Variants in ARFGEF3 observed in about 807,000 individuals in gnomAD.
ARFGEF3 encodes ARFGEF family member 3, also known as brefeldin A-inhibited guanine nucleotide-exchange protein 3.
ARFGEF3 carries 96 observed loss-of-function variants against 221.7 expected under a neutral mutation model. The observed-to-expected ratio is 0.43, with a 90% CI of 0.37 to 0.51. ARFGEF3 has a LOEUF of 0.51. Ranked by LOEUF, ARFGEF3 falls within the 20% of genes least tolerant of loss-of-function variation. ARFGEF3 has a pLI of 0.00. For missense variants in ARFGEF3, 2,410 were observed against 2,789.9 expected (o/e 0.86, Z 3.07); for synonymous variants, 1,145 against 1,126.8 (o/e 1.02, Z -0.32).
intron 19 of ARFGEF3, among the ~76,000 whole-genome samples, chr6:138,293,352 C>A (rs1779448746): frequency 6.6e-6 from 1 of 152,196 alleles, no homozygotes; most frequent in Non-Finnish European, 1.5e-5. Flanking sequence ...TACTGTGCTC[C>A]CCGCCTTCCT....
intron 14 of ARFGEF3, among the ~76,000 whole-genome samples, chr6:138,280,590 C>G (rs1443038831): frequency 6.6e-6 from 1 of 152,212 alleles, no homozygotes; most frequent in Non-Finnish European, 1.5e-5. Context: ...GTGGCTCATG[C>G]CTATAATCCT....
chr6:138,278,095 A>G (rs560147492), intron 12 of ARFGEF3, among the ~76,000 whole-genome samples: 2 of 152,290 alleles, frequency 1.3e-5, no homozygotes, highest in Non-Finnish European at 1.5e-5. Context: ...GAGTTTTATT[A>G]CATTGTGATA....
chr6:138,245,666 T>C, intron 8 of ARFGEF3, 75 bp downstream of exon 8: 1 of 1,074,480 alleles, frequency 9.3e-7, no homozygotes, highest in Middle Eastern at 2.0e-4. Context: ...GCAGCATCAC[T>C]TCAAATTATG....
In ARFGEF3 at chr6:138,258,327, C is replaced by G. The variant is rs566052766; in HGVS notation, c.1104+2558C>G. ...AATTGCAACAGGCTAGATACCGCTGCCACTTCACATTAGCTTATTTACAAA... is the reference window on the plus strand; with the variant it reads ...AATTGCAACAGGCTAGATACCGCTGGCACTTCACATTAGCTTATTTACAAA... On this transcript the variant is annotated intron_variant, in intron 10 of 33. Transcript: ENST00000251691. 2.6e-5 allele frequency among the ~76,000 whole-genome samples: 4 copies of G among 152,330 alleles called. No homozygotes were observed. The South Asian group carries it at 8.3e-4, about 32-fold the overall frequency.
intron 23 of ARFGEF3, 43 bp from the exon 24 acceptor site, chr6:138,308,696 C>A: frequency 6.2e-7 from 1 of 1,611,250 alleles, no homozygotes; most frequent in Non-Finnish European, 8.5e-7. Flanking sequence ...AACCCGAGGG[C>A]AGAAACTTAC....
intron 12 of ARFGEF3, among the ~76,000 whole-genome samples, chr6:138,272,116 G>A (rs1026186448): frequency 3.3e-5 from 5 of 149,660 alleles, no homozygotes; most frequent in Non-Finnish European, 7.4e-5. Flanking sequence ...AACTCAGGCA[G>A]AGATTTATAG....
In ARFGEF3 at chr6:138,294,010, C is replaced by T. The variant is rs896867817; in HGVS notation, c.3386C>T (p.Thr1129Met). Reference protein sequence around the residue: ...TQADRLFEDATDKLNLMALGG... With the variant: ...TQADRLFEDAMDKLNLMALGG... The stretch of plus-strand genomic sequence containing the variant: ...GCATCCAGGCTCTTTGAAGATGCTA[C>T]GGATAAGTTGAACCTCATGGCCTTG... The change falls in exon 20 of 34, where the codon ACG becomes ATG. Residue 1129 changes from threonine (T) to methionine (M), a missense_variant. Thr to Met is a moderately conservative substitution (Grantham distance 81, BLOSUM62 -1). Coordinates refer to ENST00000251691, the MANE Select transcript of ARFGEF3 (RefSeq NM_020340.5). 7.4e-6 allele frequency: 12 copies of T among 1,613,720 alleles called. No individual in the cohort carries two copies. Among genetic ancestry groups the T allele is most frequent in the African/African-American group, 1.3e-5 (1 of 75,034 alleles).
intron 2 of ARFGEF3, among the ~76,000 whole-genome samples, chr6:138,193,988 A>G (rs1216079953): frequency 6.6e-6 from 1 of 152,190 alleles, no homozygotes; most frequent in Non-Finnish European, 1.5e-5. Flanking sequence ...AAAAAAGACG[A>G]TGGAGCCGGA....
At chr6:138,191,656 C>A (rs961317163) in intron 2 of ARFGEF3, among the ~76,000 whole-genome samples, 1 of 152,168 alleles carries the variant, frequency 6.6e-6, no homozygotes, top group Non-Finnish European at 1.5e-5. Flanking sequence ...GTTAGTACGT[C>A]CAATTTGTTA....
At chr6:138,266,267 A>G (rs1379844684) in intron 12 of ARFGEF3, among the ~76,000 whole-genome samples, 1 of 151,754 alleles carries the variant, frequency 6.6e-6, no homozygotes, top group African/African-American at 2.4e-5. Context: ...AGAAGAAAGG[A>G]AAGGAAGGGA....
intron 4 of ARFGEF3, among the ~76,000 whole-genome samples, chr6:138,224,898 C>G (rs1778050816): frequency 6.6e-6 from 1 of 152,174 alleles, no homozygotes; most frequent in South Asian, 2.1e-4. Flanking sequence ...TATTTCTGTT[C>G]TCCAAAGCAT....
At chr6:138,285,694 A>G (rs1203064582) in intron 14 of ARFGEF3, among the ~76,000 whole-genome samples, 1 of 152,190 alleles carries the variant, frequency 6.6e-6, no homozygotes, top group Non-Finnish European at 1.5e-5. Context: ...AGAAATAATA[A>G]TTTATAATGT....
At chr6:138,237,737 G>A (rs891326455) in intron 5 of ARFGEF3, among the ~76,000 whole-genome samples, 3 of 152,072 alleles carry the variant, frequency 2.0e-5, no homozygotes, top group Admixed American at 6.6e-5. Context: ...AAATGACAGC[G>A]TAGGTGCAAG....
At chr6:138,239,916 T>C (rs942154653) in intron 6 of ARFGEF3, among the ~76,000 whole-genome samples, 2 of 152,176 alleles carry the variant, frequency 1.3e-5, no homozygotes, top group African/African-American at 4.8e-5. Flanking sequence ...AGCTTATCAA[T>C]GAAGGAGCCA....
rs1780430868 is a variant in ARFGEF3 at position 138,341,636 on chromosome 6, A to T, written c.*5150A>T. On this transcript the variant is annotated 3_prime_UTR_variant, in exon 34 of 34. Transcript: ENST00000251691. Reference sequence around the variant, plus strand: ...GATTTATAATTATGCCTCAAAAAAAAAAGTTCTCATTTAGTAGTGGAGCAA... The same window carrying T: ...GATTTATAATTATGCCTCAAAAAAATAAGTTCTCATTTAGTAGTGGAGCAA... 1 of 152,292 alleles carries T rather than the reference A, an allele frequency of 6.6e-6. No individual in the cohort carries two copies. Among genetic ancestry groups the T allele is most frequent in the South Asian group, 2.1e-4 (1 of 4,834 alleles). The allele number at this position is 152,292 out of a possible 1,614,324, so 9.4% of individuals were successfully genotyped here. A position where few individuals can be genotyped will look rare whatever the true frequency, so the allele number is the denominator to read the frequency against.
chr6:138,291,862 G>A lies in ARFGEF3; in HGVS notation c.3177G>A (p.Glu1059=), dbSNP rs746685227. 2 of 1,498,434 alleles carry A rather than the reference G, an allele frequency of 1.3e-6. No individual in the cohort carries two copies. The highest frequency in any genetic ancestry group is 2.6e-5 in the South Asian group (2 of 77,774). 92.8% of individuals were successfully genotyped at this position (1,498,434 alleles called of 1,614,324 possible). Residue 1059 remains glutamate, a synonymous_variant, in exon 19 of 34, where the codon GAG becomes GAA. Coordinates refer to ENST00000251691, the MANE Select transcript of ARFGEF3 (RefSeq NM_020340.5). The surrounding 1 kb of genome is among the most constrained non-coding windows in gnomAD (Gnocchi z 4.5). ...GCCTCCTTGGGGACCCCGAGTGTGAGGGCTCGCCCCCCGAGCACAGCCCGG... is the reference window on the plus strand; with the variant it reads ...GCCTCCTTGGGGACCCCGAGTGTGAAGGCTCGCCCCCCGAGCACAGCCCGG... ...SAGLLGDPEC[E]GSPPEHSPEQ...
chr6:138,253,007 A>ATCATTTCTC (rs1224489822), intron 8 of ARFGEF3, among the ~76,000 whole-genome samples: 9 of 152,174 alleles, frequency 5.9e-5, no homozygotes, highest in African/African-American at 1.9e-4. Flanking sequence ...GATAACTTGG[A>ATCATTTCTC]CACAAAATAA....
At position 138,333,007 on chromosome 6, in the gene ARFGEF3, T is replaced by A. The variant is rs56950300; in HGVS notation, c.5124-963T>A. 1.5e-3 allele frequency among the ~76,000 whole-genome samples: 233 copies of A among 152,370 alleles called. 2 individuals are homozygous for A. The highest frequency in any genetic ancestry group is 5.5e-3 in the African/African-American group (227 of 41,590). ...GTCATAGACATAAAGCAAAATGTTA[T>A]TAACATCATGGCTAGAACTTTGAAA... On this transcript the variant is annotated intron_variant, in intron 32 of 33. Transcript: ENST00000251691.
intron 4 of ARFGEF3, among the ~76,000 whole-genome samples, chr6:138,223,108 A>G (rs1778011451): frequency 6.6e-6 from 1 of 152,180 alleles, no homozygotes; most frequent in African/African-American, 2.4e-5. Flanking sequence ...TGGTCGAGGT[A>G]CACTTTCAGC....
Sources: gnomAD v4.1 joint callset for allele counts (sites outside exome capture counted in the v4.1 genomes callset) on GRCh38, gnomAD v4.1.1 for gene constraint, Gnocchi (gnomAD v3.1) non-coding constraint, MANE v1.5 for transcripts, NCBI Gene and HGNC (gene_info 2026-07-23, HGNC 2026-07-21) for gene names.